Variants in SRGAP1 observed in about 807,000 individuals in gnomAD.
SRGAP1 encodes SLIT-ROBO Rho GTPase activating protein 1.
A neutral mutation model predicts 121.9 loss-of-function variants in SRGAP1; 43 were observed. The ratio of observed to expected loss-of-function variants is 0.35; its 90% confidence interval spans 0.28 to 0.46. The LOEUF is 0.46. Among genes scored for constraint, SRGAP1 ranks in the 20% least tolerant of loss-of-function variants. The probability of loss-of-function intolerance (pLI) is 1.00; values close to 1 mark genes in which losing one functional copy is unlikely to be tolerated. For synonymous variants in SRGAP1, 447 were observed against 485.4 expected (o/e 0.92, Z 1.04); for missense variants, 1,102 against 1,350.9 (o/e 0.82, Z 2.89).
intron 1 of SRGAP1, among the ~76,000 whole-genome samples, chr12:63,874,731 A>T (rs1899973709): frequency 1.3e-5 from 2 of 152,186 alleles, no homozygotes; most frequent in Admixed American, 6.5e-5. Context: ...GAATGAGTAT[A>T]TAAAGTGCTA....
At chr12:63,882,671 A>G (rs1336526203) in intron 1 of SRGAP1, among the ~76,000 whole-genome samples, 3 of 152,242 alleles carry the variant, frequency 2.0e-5, no homozygotes, top group Non-Finnish European at 4.4e-5. Flanking sequence ...TTAAAAAATC[A>G]TATTGAATAT....
At chr12:64,028,433 G>T (rs1320820463) in intron 4 of SRGAP1, among the ~76,000 whole-genome samples, 1 of 152,252 alleles carries the variant, frequency 6.6e-6, no homozygotes, top group East Asian at 1.9e-4. Context: ...CCTCTCAGGT[G>T]TGTGAGAATA....
chr12:63,869,969 A>G (rs1056751346), intron 1 of SRGAP1, among the ~76,000 whole-genome samples: 5 of 152,250 alleles, frequency 3.3e-5, no homozygotes, highest in African/African-American at 4.8e-5. Flanking sequence ...CCAAGATCAC[A>G]TAGCTGGTAA....
chr12:63,910,080 C>T (rs2030421697), intron 1 of SRGAP1, among the ~76,000 whole-genome samples: 1 of 152,182 alleles, frequency 6.6e-6, no homozygotes, highest in Non-Finnish European at 1.5e-5. Flanking sequence ...AACTAAGGAT[C>T]AGAGTGTAAA....
chr12:64,022,806 A>G (rs1021475302), intron 4 of SRGAP1, among the ~76,000 whole-genome samples: 1 of 152,190 alleles, frequency 6.6e-6, no homozygotes, highest in Non-Finnish European at 1.5e-5. Flanking sequence ...TTGCTGAGCT[A>G]TGCACTATGA....
At position 64,082,001 on chromosome 12, in the gene SRGAP1, C is replaced by CTTTTTTTTTTTTTTTTTTTTTTTTTTTTT; in HGVS notation, c.1408+1652_1408+1653insTTTTTTTTTTTTTTTTTTTTTTTTTTTTT. ...TTTCCCTCACAGTGTCATGTAAGGT[C>CTTTTTTTTTTTTTTTTTTTTTTTTTTTTT]TTTTTTTTTTTTTTTTTTTTTCAAT... On this transcript the variant is annotated intron_variant, in intron 10 of 21. Coordinates refer to ENST00000355086, the MANE Select transcript of SRGAP1 (RefSeq NM_020762.4). The CTTTTTTTTTTTTTTTTTTTTTTTTTTTTT allele has an allele frequency of 7.6e-5, 5 of 66,124 alleles. 1 individual carries two copies. Among genetic ancestry groups the CTTTTTTTTTTTTTTTTTTTTTTTTTTTTT allele is most frequent in the African/African-American group, 2.6e-4 (4 of 15,458 alleles). 4.1% of individuals were successfully genotyped at this position (66,124 alleles called of 1,614,324 possible). A position where few individuals can be genotyped will look rare whatever the true frequency, so the allele number is the denominator to read the frequency against.
chr12:63,961,623 A>G (rs986340973), intron 1 of SRGAP1, among the ~76,000 whole-genome samples: 2 of 152,194 alleles, frequency 1.3e-5, no homozygotes, highest in Admixed American at 1.3e-4. Context: ...ACCTATCACA[A>G]TGCCTGATAG....
rs1350320650 is a variant in SRGAP1 at position 64,157,321 on chromosome 12, C to T, written c.*14649C>T. On this transcript the variant is annotated 3_prime_UTR_variant, in exon 22 of 22. Transcript: ENST00000355086. ...GATGCTAGCTGCTGTAACAAACAAC[C>T]CCCCAAACTCAGTAACACAATCAAG... The T allele has an allele frequency of 1.3e-5, 2 of 152,098 alleles. No homozygotes were observed. Among genetic ancestry groups the T allele is most frequent in the South Asian group, 2.1e-4 (1 of 4,816 alleles). 9.4% of individuals were successfully genotyped at this position (152,098 alleles called of 1,614,324 possible).
intron 1 of SRGAP1, among the ~76,000 whole-genome samples, chr12:63,909,121 C>T (rs2030368041): frequency 1.3e-5 from 2 of 152,150 alleles, no homozygotes; most frequent in Non-Finnish European, 1.5e-5. Context: ...ATCTCTTGAC[C>T]TCGTGATCCA....
Position 63,896,311 on chromosome 12 carries a change from C to T in SRGAP1, c.67+51428C>T, listed in dbSNP as rs539079994. 2.3e-4 allele frequency among the ~76,000 whole-genome samples: 35 copies of T among 152,136 alleles called. 1 individual carries two copies. The South Asian group carries it at 7.1e-3, about 31-fold the overall frequency. On this transcript the variant is annotated intron_variant, in intron 1 of 21. Transcript: ENST00000355086. ...GAATTACCTGTTAGGAGTATAAAGTCCAGACACAGATCTTGATCACCAAAA... is the reference window on the plus strand; with the variant it reads ...GAATTACCTGTTAGGAGTATAAAGTTCAGACACAGATCTTGATCACCAAAA...
chr12:64,030,358 A>C (rs7956985), intron 4 of SRGAP1, among the ~76,000 whole-genome samples: 1 of 152,238 alleles, frequency 6.6e-6, no homozygotes, highest in Admixed American at 6.5e-5. Context: ...TCAAAGACTT[A>C]AAGTAGAGCC....
At chr12:63,926,021 A>C (rs1043484091) in intron 1 of SRGAP1, among the ~76,000 whole-genome samples, 5 of 152,224 alleles carry the variant, frequency 3.3e-5, no homozygotes, top group Non-Finnish European at 4.4e-5. Flanking sequence ...GGAGGACCAC[A>C]ACTTGCCCAG....
intron 1 of SRGAP1, among the ~76,000 whole-genome samples, chr12:63,918,703 C>T (rs139938092): frequency 4.6e-5 from 7 of 152,348 alleles, no homozygotes; most frequent in South Asian, 2.1e-4. Flanking sequence ...AGGCGTGAGC[C>T]GTTGCACCAG....
chr12:63,998,801 A>G (rs935570706), intron 3 of SRGAP1, among the ~76,000 whole-genome samples: 2 of 152,210 alleles, frequency 1.3e-5, no homozygotes, highest in African/African-American at 2.4e-5. Flanking sequence ...AGGAATAAGT[A>G]TGAATAAACA....
intron 21 of SRGAP1, among the ~76,000 whole-genome samples, chr12:64,137,319 G>A (rs2036871640): frequency 1.3e-5 from 2 of 151,812 alleles, no homozygotes; most frequent in South Asian, 4.2e-4. Context: ...AGATGACTAG[G>A]CTCTGCACAT....
intron 19 of SRGAP1, 58 bp from the exon 20 acceptor site, chr12:64,127,532 A>C (rs548393399): frequency 7.8e-6 from 12 of 1,532,326 alleles, no homozygotes; most frequent in Non-Finnish European, 1.1e-5. Flanking sequence ...TCATCTAGCA[A>C]ATTTTGTAAA....
At chr12:64,096,153 G>A (rs1309245441) in intron 14 of SRGAP1, among the ~76,000 whole-genome samples, 1 of 152,146 alleles carries the variant, frequency 6.6e-6, no homozygotes, top group Non-Finnish European at 1.5e-5. Flanking sequence ...GCCACCACAG[G>A]CAAAATACAT....
intron 1 of SRGAP1, among the ~76,000 whole-genome samples, chr12:63,963,656 A>AT (rs1375761377): frequency 6.6e-6 from 1 of 152,056 alleles, no homozygotes; most frequent in Non-Finnish European, 1.5e-5. Flanking sequence ...TCTAATTGTA[A>AT]TTTTTTACCC....
rs762732031 is a variant in SRGAP1 at position 64,129,315 on chromosome 12, G to GCATA, written c.2880+1118_2880+1121dup. 3.3e-5 allele frequency among the ~76,000 whole-genome samples: 5 copies of GCATA among 152,238 alleles called. No individual in the cohort carries two copies. In the South Asian group the frequency reaches 6.2e-4, roughly 19 times the overall value. On this transcript the variant is annotated intron_variant, in intron 21 of 21. Transcript: ENST00000355086. ...GGAGTCTGATGTTCAAGGGCAGGAA[G>GCATA]CATACAGCACGGGAGGAAGACGTAG...
Sources: gnomAD v4.1 joint callset for allele counts (sites outside exome capture counted in the v4.1 genomes callset) on GRCh38, gnomAD v4.1.1 for gene constraint, MANE v1.5 for transcripts, NCBI Gene and HGNC (gene_info 2026-07-23, HGNC 2026-07-21) for gene names.